The following TRIM41 variants were observed in gnomAD, a reference collection of about 807,000 sequenced individuals.
TRIM41 encodes the protein tripartite motif containing 41.
A neutral mutation model predicts 60.6 loss-of-function variants in TRIM41; 21 were observed. The observed-to-expected ratio is 0.35, with a 90% CI of 0.25 to 0.50. The LOEUF (loss-of-function observed/expected upper bound fraction) is 0.50, where lower values mean the gene tolerates loss of function less well. Ranked by LOEUF, TRIM41 falls within the 20% of genes least tolerant of loss-of-function variation. The pLI is 0.98. For synonymous variants in TRIM41, 407 were observed against 344.9 expected, an observed-to-expected ratio of 1.18 and a Z score of -2.00; for missense variants, 846 against 868.3, an observed-to-expected ratio of 0.97 and a Z score of 0.32.
rs767766066 is a variant in TRIM41 at position 181,233,400 on chromosome 5, C to T, written c.1141-13C>T. Reference sequence around the variant, plus strand: ...TTTCTCCCTCTCCCTCTTTTTGTTTCTCTTATTCCCAGGACATCAAGGAGA... The same window carrying T: ...TTTCTCCCTCTCCCTCTTTTTGTTTTTCTTATTCCCAGGACATCAAGGAGA... On this transcript the variant is annotated splice_polypyrimidine_tract_variant and intron_variant, in intron 3 of 5. Coordinates refer to ENST00000315073, the MANE Select transcript of TRIM41 (RefSeq NM_033549.5). The surrounding 1 kb of genome is among the most constrained non-coding windows in gnomAD (Gnocchi z 4.1). 1 of 1,613,766 alleles carries T rather than the reference C, an allele frequency of 6.2e-7. No homozygotes were observed. The highest frequency in any genetic ancestry group is 8.5e-7 in the Non-Finnish European group (1 of 1,179,816).
In TRIM41 at chr5:181,230,881, G is replaced by A. The variant is rs764940220; in HGVS notation, c.909+42G>A. The A allele has an allele frequency of 1.6e-5, 26 of 1,577,422 alleles. No homozygotes were observed. In the Admixed American group the frequency reaches 2.5e-4, roughly 15 times the overall value. On this transcript the variant is annotated intron_variant, in intron 2 of 5. Transcript: ENST00000315073. ...GACGGGGCTGATGGGCAGTACAGTC[G>A]AGGCAAGGAAGGTAGGGCTTCCCAC...
At position 181,234,580 on chromosome 5, in the gene TRIM41, A is replaced by G; in HGVS notation, c.1698A>G (p.Glu566=). 3.7e-6 allele frequency: 6 copies of G among 1,614,214 alleles called. No individual in the cohort carries two copies. The highest frequency in any genetic ancestry group is 5.1e-6 in the Non-Finnish European group (6 of 1,180,020). The part of the protein sequence containing the change: ...GKRYQAQSST[E]QTLLSPSEKP... ...GCTATCAGGCCCAGAGCTCCACAGA[A>G]CAGACGCTGCTGAGCCCCAGTGAGA... is the stretch of plus-strand genomic sequence containing the variant. The change falls in exon 6 of 6, where the codon GAA becomes GAG. Residue 566 remains glutamate (E), a synonymous_variant. Transcript: ENST00000315073. The surrounding 1 kb of genome is among the most constrained non-coding windows in gnomAD (Gnocchi z 5.6).
chr5:181,223,859 G>A lies in TRIM41; in HGVS notation c.-141G>A, dbSNP rs1758405999. 2.5e-6 allele frequency: 2 copies of A among 811,192 alleles called. No individual in the cohort carries two copies. Among genetic ancestry groups the A allele is most frequent in the Non-Finnish European group, 3.8e-6 (2 of 524,516 alleles). 50.2% of individuals were successfully genotyped at this position (811,192 alleles called of 1,614,324 possible). A position where few individuals can be genotyped will look rare whatever the true frequency, so the allele number is the denominator to read the frequency against. ...ACTGTGTTGGGGTGGGTTGTCGGCAGGACATCTCTCTGGCTGCTCTTGGGG... is the reference window on the plus strand; with the variant it reads ...ACTGTGTTGGGGTGGGTTGTCGGCAAGACATCTCTCTGGCTGCTCTTGGGG... On this transcript the variant is annotated 5_prime_UTR_variant, in exon 1 of 6. Transcript: ENST00000315073.
In TRIM41 at chr5:181,224,740, G is replaced by A. The variant is rs746397997; in HGVS notation, c.741G>A (p.Val247=). ...AGGTAGACGAAGAGGCCATCTGTGT[G>A]GTGTGCCGAGAATCCAGGAGCCACA... ...FCEVDEEAIC[V]VCRESRSHKQ... Residue 247 remains valine (V), a synonymous_variant, in exon 1 of 6, where the codon GTG becomes GTA. Coordinates refer to ENST00000315073, the MANE Select transcript of TRIM41 (RefSeq NM_033549.5). 5 of 1,614,214 alleles carry A rather than the reference G, an allele frequency of 3.1e-6. No homozygotes were observed. The highest frequency in any genetic ancestry group is 2.5e-6 in the Non-Finnish European group (3 of 1,180,046).
In TRIM41 at chr5:181,223,954, C is replaced by T; in HGVS notation, c.-46C>T. ...GGCGTCGGTAGGGAAGACCCCCGCCCCTCGCCCCCCCACCGAACCTCTACA... is the reference window on the plus strand; with the variant it reads ...GGCGTCGGTAGGGAAGACCCCCGCCTCTCGCCCCCCCACCGAACCTCTACA... On this transcript the variant is annotated 5_prime_UTR_variant, in exon 1 of 6. Transcript: ENST00000315073. 4.6e-6 allele frequency: 7 copies of T among 1,525,914 alleles called. No individual in the cohort carries two copies. The highest frequency in any genetic ancestry group is 2.6e-6 in the Non-Finnish European group (3 of 1,132,174). 94.5% of individuals were successfully genotyped at this position (1,525,914 alleles called of 1,614,324 possible).
In TRIM41 at chr5:181,223,878, C is replaced by T. The variant is rs905398078; in HGVS notation, c.-122C>T. On this transcript the variant is annotated 5_prime_UTR_variant, in exon 1 of 6. Coordinates refer to ENST00000315073, the MANE Select transcript of TRIM41 (RefSeq NM_033549.5). ...TCGGCAGGACATCTCTCTGGCTGCT[C>T]TTGGGGCGAGGTGTGGAGGGGCAGG... 1 of 1,005,882 alleles carries T rather than the reference C, an allele frequency of 9.9e-7. No individual in the cohort carries two copies. The highest frequency in any genetic ancestry group is 1.4e-6 in the Non-Finnish European group (1 of 695,638). 62.3% of individuals were successfully genotyped at this position (1,005,882 alleles called of 1,614,324 possible).
Position 181,235,354 on chromosome 5 carries a change from A to AC in TRIM41, c.*581dup, listed in dbSNP as rs1759057228. ...CCGTCCTCAATTTCTACCTCCATAG[A>AC]CCGGCCAGAATTTAGCTTCACTTGA... is the stretch of plus-strand genomic sequence containing the variant. On this transcript the variant is annotated 3_prime_UTR_variant, in exon 6 of 6. Transcript: ENST00000315073. 6.2e-7 allele frequency: 1 copy of AC among 1,614,006 alleles called. No homozygotes were observed. Among genetic ancestry groups the AC allele is most frequent in the African/African-American group, 1.3e-5 (1 of 74,884 alleles).
Position 181,233,807 on chromosome 5 carries a change from C to T in TRIM41, c.1291+44C>T. On this transcript the variant is annotated intron_variant, in intron 5 of 5. Coordinates refer to ENST00000315073, the MANE Select transcript of TRIM41 (RefSeq NM_033549.5). This position sits in a 1 kb window ranked among gnomAD's most constrained non-coding sequence, Gnocchi z 4.1. ...CGACCTTCCTTTGCCTTTCCCTTCA[C>T]AGACCTGAGACTGGGTCCTGAGGGA... 1 of 1,613,918 alleles carries T rather than the reference C, an allele frequency of 6.2e-7. No homozygotes were observed. Among genetic ancestry groups the T allele is most frequent in the Non-Finnish European group, 8.5e-7 (1 of 1,179,838 alleles).
chr5:181,233,657 G>A lies in TRIM41; in HGVS notation c.1185G>A (p.Gln395=). Residue 395 remains glutamine, a synonymous_variant, in exon 5 of 6, where the codon CAG becomes CAA. Coordinates refer to ENST00000315073, the MANE Select transcript of TRIM41 (RefSeq NM_033549.5). The surrounding 1 kb of genome is among the most constrained non-coding windows in gnomAD (Gnocchi z 4.1). ...CCAGGTGTGAAGAGGTACAGCTGCA[G>A]CCCCCAGAGGTCTGGTCCCCTGACC... The part of the protein sequence containing the change: ...TFNRCEEVQL[Q]PPEVWSPDPC... The A allele has an allele frequency of 2.5e-6, 4 of 1,614,172 alleles. No homozygotes were observed. The African/African-American group carries it at 4.0e-5, about 16-fold the overall frequency.
Position 181,234,496 on chromosome 5 carries a change from C to T in TRIM41, c.1614C>T (p.His538=), listed in dbSNP as rs778725957. ...ATCACCATCGCCGCCGCCGGCTCCA[C>T]CTGCCCCAGCAGCCCCTGCTCCAGC... The part of the protein sequence containing the change: ...SRHHHRRRRL[H]LPQQPLLQRE... The change falls in exon 6 of 6, where the codon CAC becomes CAT. Residue 538 remains histidine (H), a synonymous_variant. Transcript: ENST00000315073. This position sits in a 1 kb window ranked among gnomAD's most constrained non-coding sequence, Gnocchi z 5.6. 1.4e-5 allele frequency: 22 copies of T among 1,613,748 alleles called. No individual in the cohort carries two copies. In the African/African-American group the frequency reaches 2.5e-4, roughly 19 times the overall value.
intron 1 of TRIM41, chr5:181,230,188 C>G (rs1758728768): frequency 6.6e-6 from 1 of 152,520 alleles, no homozygotes; most frequent in Admixed American, 6.5e-5. Flanking sequence ...GAGGCTCCTA[C>G]CTTTAGAGAA....
intron 1 of TRIM41, chr5:181,228,558 C>CAAAAAAAAAA (rs1165609216): frequency 4.0e-5 from 2 of 50,392 alleles, no homozygotes; most frequent in African/African-American, 1.3e-4. Flanking sequence ...ACTCCCATCT[C>CAAAAAAAAAA]AAAAAAAAAA....
chr5:181,227,755 G>A (rs1371949710), intron 1 of TRIM41: 1 of 152,084 alleles, frequency 6.6e-6, no homozygotes, highest in Admixed American at 6.5e-5. Context: ...ACACACAAAT[G>A]ATATGTAAAT....
At position 181,233,992 on chromosome 5, in the gene TRIM41, C is replaced by G; in HGVS notation, c.1292-182C>G. The G allele has an allele frequency of 8.2e-7, 1 of 1,217,408 alleles. No homozygotes were observed. Among genetic ancestry groups the G allele is most frequent in the South Asian group, 1.4e-5 (1 of 70,970 alleles). The allele number at this position is 1,217,408 out of a possible 1,614,324, so 75.4% of individuals were successfully genotyped here. ...AGGAAGAGCCAGGCTGGGGGAAGAC[C>G]TGTCAGGTATCCTAGGAACAAGAGT... is the stretch of plus-strand genomic sequence containing the variant. On this transcript the variant is annotated intron_variant, in intron 5 of 5. Coordinates refer to ENST00000315073, the MANE Select transcript of TRIM41 (RefSeq NM_033549.5). The surrounding 1 kb of genome is among the most constrained non-coding windows in gnomAD (Gnocchi z 4.1).
intron 2 of TRIM41, chr5:181,231,675 G>A (rs1478287631): frequency 1.3e-5 from 2 of 152,376 alleles, no homozygotes; most frequent in African/African-American, 2.4e-5. Context: ...GGAAGTCATC[G>A]TGCTTCTGGC....
intron 1 of TRIM41, chr5:181,225,143 C>T (rs946009645): frequency 1.9e-5 from 7 of 363,774 alleles, no homozygotes; most frequent in African/African-American, 1.2e-4. Context: ...GACGGAGACA[C>T]CTAGAGATGG....
chr5:181,232,488 G>A, intron 2 of TRIM41, 171 bp from the exon 3 acceptor site: 2 of 626,826 alleles, frequency 3.2e-6, no homozygotes, highest in South Asian at 2.0e-5. Flanking sequence ...CTGGGAGCAA[G>A]GGGGTGGTAT....
chr5:181,226,747 A>G (rs1179381969), intron 1 of TRIM41: 1 of 152,232 alleles, frequency 6.6e-6, no homozygotes, highest in Non-Finnish European at 1.5e-5. Context: ...GACTGCTCCA[A>G]GGAGCTTCTG....
In TRIM41 at chr5:181,233,996, C is replaced by G. The variant is rs1561674063; in HGVS notation, c.1292-178C>G. ...AGAGCCAGGCTGGGGGAAGACCTGT[C>G]AGGTATCCTAGGAACAAGAGTGAGG... On this transcript the variant is annotated intron_variant, in intron 5 of 5. Coordinates refer to ENST00000315073, the MANE Select transcript of TRIM41 (RefSeq NM_033549.5). The surrounding 1 kb of genome is among the most constrained non-coding windows in gnomAD (Gnocchi z 4.1). The G allele has an allele frequency of 2.7e-5, 33 of 1,233,714 alleles. 1 individual carries two copies. In the South Asian group the frequency reaches 4.5e-4, roughly 17 times the overall value. 76.4% of individuals were successfully genotyped at this position (1,233,714 alleles called of 1,614,324 possible).
Sources: gnomAD v4.1 joint callset for allele counts on GRCh38, gnomAD v4.1.1 for gene constraint, Gnocchi (gnomAD v3.1) non-coding constraint, MANE v1.5 for transcripts, NCBI Gene and HGNC (gene_info 2026-07-23, HGNC 2026-07-21) for gene names.